The following PPP2R2B variants were observed in gnomAD, a reference collection of about 807,000 sequenced individuals.
The protein encoded by PPP2R2B is protein phosphatase 2 regulatory subunit Bbeta.
Under a neutral mutation model 46.0 loss-of-function variants are expected in PPP2R2B, and 5 were observed. That is an observed-to-expected ratio of 0.11 (90% CI 0.06 to 0.23). The LOEUF is 0.23. Among genes scored for constraint, PPP2R2B ranks in the 10% least tolerant of loss-of-function variants. The pLI, the probability that PPP2R2B is intolerant of heterozygous loss-of-function variation, is 1.00. For missense variants in PPP2R2B, 367 were observed against 575.0 expected (o/e 0.64, Z 3.70); for synonymous variants, 215 against 206.7 (o/e 1.04, Z -0.34).
intron 1 of PPP2R2B, among the ~76,000 whole-genome samples, chr5:147,035,952 G>A (rs2151894160): frequency 6.6e-6 from 1 of 152,228 alleles, no homozygotes; most frequent in East Asian, 1.9e-4. Context: ...TAGAATTTTA[G>A]TGTTCTGTAT....
intron 7 of PPP2R2B, among the ~76,000 whole-genome samples, chr5:146,635,864 T>A (rs1030249795): frequency 5.9e-5 from 9 of 152,220 alleles, no homozygotes; most frequent in Non-Finnish European, 1.0e-4. Flanking sequence ...CAGATTCAGT[T>A]CTTATCCTCA....
At chr5:146,767,413 C>T (rs563445592) in intron 2 of PPP2R2B, among the ~76,000 whole-genome samples, 9 of 152,190 alleles carry the variant, frequency 5.9e-5, no homozygotes, top group African/African-American at 1.7e-4. Flanking sequence ...CTGGTTCTTC[C>T]GTGGTATAGA....
chr5:146,960,355 T>C (rs1752114798), intron 1 of PPP2R2B, among the ~76,000 whole-genome samples: 1 of 152,122 alleles, frequency 6.6e-6, no homozygotes, highest in African/African-American at 2.4e-5. Flanking sequence ...AGTGGCACAA[T>C]CTCGGCTCAC....
intron 7 of PPP2R2B, among the ~76,000 whole-genome samples, chr5:146,623,987 A>G (rs1180949742): frequency 6.6e-6 from 1 of 152,144 alleles, no homozygotes; most frequent in Non-Finnish European, 1.5e-5. Context: ...TCAATTACAC[A>G]CACGAGAGAT....
intron 7 of PPP2R2B, among the ~76,000 whole-genome samples, chr5:146,634,967 G>A (rs1774710616): frequency 6.6e-6 from 1 of 152,172 alleles, no homozygotes; most frequent in Non-Finnish European, 1.5e-5. Context: ...TATCTGGCAA[G>A]AGGGTTGGGG....
chr5:146,827,423 C>T (rs1052702299), intron 2 of PPP2R2B, among the ~76,000 whole-genome samples: 9 of 134,610 alleles, frequency 6.7e-5, no homozygotes, highest in African/African-American at 2.6e-4. Flanking sequence ...AAAGAGCACC[C>T]AGAACACATC....
intron 1 of PPP2R2B, among the ~76,000 whole-genome samples, chr5:146,929,437 T>C (rs1438729480): frequency 6.6e-6 from 1 of 152,024 alleles, no homozygotes; most frequent in Non-Finnish European, 1.5e-5. Flanking sequence ...ATGCACCAAA[T>C]GTGAGAACAC....
intron 1 of PPP2R2B, among the ~76,000 whole-genome samples, chr5:146,959,258 G>A (rs190352463): frequency 1.3e-5 from 2 of 152,216 alleles, no homozygotes; most frequent in East Asian, 1.9e-4. Flanking sequence ...TAGCATTAAT[G>A]TTTTCATTCA....
intron 1 of PPP2R2B, among the ~76,000 whole-genome samples, chr5:147,029,133 T>C (rs749348939): frequency 2.0e-5 from 3 of 152,300 alleles, no homozygotes; most frequent in Admixed American, 6.5e-5. Context: ...TTTTGATGAA[T>C]AGAAAAATTT....
chr5:146,651,833 A>G (rs1389858756), intron 5 of PPP2R2B, among the ~76,000 whole-genome samples: 2 of 152,246 alleles, frequency 1.3e-5, no homozygotes, highest in Non-Finnish European at 2.9e-5. Flanking sequence ...AAGAAAAACA[A>G]AAGTTAAATT....
intron 4 of PPP2R2B, among the ~76,000 whole-genome samples, chr5:146,696,917 CA>C (rs1314717088): frequency 6.6e-6 from 1 of 152,096 alleles, no homozygotes; most frequent in Non-Finnish European, 1.5e-5. Context: ...ATTAAAATGA[CA>C]AAAGGAACAA....
chr5:146,778,914 G>C (rs910538617), intron 2 of PPP2R2B, among the ~76,000 whole-genome samples: 1 of 152,144 alleles, frequency 6.6e-6, no homozygotes, highest in African/African-American at 2.4e-5. Flanking sequence ...AAACAGAGCC[G>C]GACTCCAATC....
chr5:146,929,442 G>C (rs963054485), intron 1 of PPP2R2B, among the ~76,000 whole-genome samples: 2 of 151,952 alleles, frequency 1.3e-5, no homozygotes, highest in Non-Finnish European at 2.9e-5. Flanking sequence ...CCAAATGTGA[G>C]AACACTTTCC....
At chr5:146,767,290 G>A (rs1339450161) in intron 2 of PPP2R2B, among the ~76,000 whole-genome samples, 1 of 152,068 alleles carries the variant, frequency 6.6e-6, no homozygotes. Flanking sequence ...AGACACATCA[G>A]TCATTTAGTC....
intron 1 of PPP2R2B, among the ~76,000 whole-genome samples, chr5:146,921,671 TC>T (rs1233428659): frequency 1.3e-5 from 2 of 152,164 alleles, no homozygotes; most frequent in African/African-American, 4.8e-5. Flanking sequence ...AGAAATTTCA[TC>T]TTCCTGTGAA....
chr5:146,879,028 C>G (rs1480300800), upstream of PPP2R2B: 2 of 720,764 alleles, frequency 2.8e-6, no homozygotes, highest in Non-Finnish European at 3.6e-6. Flanking sequence ...ACCCAGAGCC[C>G]CTAGCTCCCT....
chr5:146,879,747 T>C (rs1405114927), upstream of PPP2R2B, among the ~76,000 whole-genome samples: 1 of 152,170 alleles, frequency 6.6e-6, no homozygotes, highest in African/African-American at 2.4e-5. Flanking sequence ...CCAAAAACAT[T>C]TAATGAAGCA....
chr5:146,648,099 C>A (rs1775705989), intron 6 of PPP2R2B, among the ~76,000 whole-genome samples: 1 of 152,236 alleles, frequency 6.6e-6, no homozygotes, highest in Non-Finnish European at 1.5e-5. Flanking sequence ...AGCCAGACTA[C>A]ATTTCCTAGG....
At chr5:146,666,580 G>A (rs1776991261) in intron 5 of PPP2R2B, among the ~76,000 whole-genome samples, 1 of 152,182 alleles carries the variant, frequency 6.6e-6, no homozygotes, top group Admixed American at 6.5e-5. Flanking sequence ...AGAGTGGACA[G>A]GGAGTCAGCC....
Sources: gnomAD v4.1 joint callset for allele counts (sites outside exome capture counted in the v4.1 genomes callset) on GRCh38, gnomAD v4.1.1 for gene constraint, MANE v1.5 for transcripts, NCBI Gene and HGNC (gene_info 2026-07-23, HGNC 2026-07-21) for gene names.